DPEP2NB: variants seen among roughly 807,000 people sequenced by gnomAD.
DPEP2NB encodes the protein DPEP2 neighbor, also known as DPEP2 neighbor protein.
For synonymous variants in DPEP2NB, 35 were observed against 55.3 expected, an observed-to-expected ratio of 0.63 and a Z score of 1.63; for missense variants, 117 against 151.8, an observed-to-expected ratio of 0.77 and a Z score of 1.21.
At position 68,015,795 on chromosome 16, in the gene DPEP2NB, T is replaced by G; in HGVS notation, c.-25A>C. 1 of 1,201,432 alleles carries G rather than the reference T, an allele frequency of 8.3e-7. No homozygotes were observed. The highest frequency in any genetic ancestry group is 1.0e-6 in the Non-Finnish European group (1 of 960,340). 74.4% of individuals were successfully genotyped at this position (1,201,432 alleles called of 1,614,324 possible). ...TTCTCTCTCAGCCAACCAAACAGAT[T>G]GGTATCTTACAGAGAAATGGTAGGG... On this transcript the variant is annotated 5_prime_UTR_variant, in exon 1 of 2. Transcript: ENST00000574912.
chr16:68,015,612 G>A, intron 1 of DPEP2NB, 92 bp downstream of exon 1: 1 of 682,554 alleles, frequency 1.5e-6, no homozygotes, highest in East Asian at 3.4e-5. Context: ...GAAAGCTCGA[G>A]GTGTGGTGGG....
At position 68,013,987 on chromosome 16, in the gene DPEP2NB, A is replaced by G; in HGVS notation, c.*121T>C. 1 of 763,556 alleles carries G rather than the reference A, an allele frequency of 1.3e-6. No homozygotes were observed. The highest frequency in any genetic ancestry group is 7.0e-5 in the South Asian group (1 of 14,312). The allele number at this position is 763,556 out of a possible 1,614,324, so 47.3% of individuals were successfully genotyped here. A position where few individuals can be genotyped will look rare whatever the true frequency, so the allele number is the denominator to read the frequency against. On this transcript the variant is annotated 3_prime_UTR_variant, in exon 2 of 2. Coordinates refer to ENST00000574912, the MANE Select transcript of DPEP2NB (RefSeq NM_001282442.2). ...AGTTAGCATGGAAGGGGGCTTCTGG[A>G]TGAGGAAGGCATAGGCAGAATGACT... is the stretch of plus-strand genomic sequence containing the variant.
At chr16:68,015,450 T>A (rs1598292192) in intron 1 of DPEP2NB, among the ~76,000 whole-genome samples, 2 of 81,038 alleles carry the variant, frequency 2.5e-5, no homozygotes, top group Admixed American at 1.4e-4. Flanking sequence ...AGACCCCATC[T>A]CAATTAAAAA....
At chr16:68,014,799 A>G (rs1450959496) in intron 1 of DPEP2NB, among the ~76,000 whole-genome samples, 4 of 152,148 alleles carry the variant, frequency 2.6e-5, no homozygotes, top group Non-Finnish European at 5.9e-5. Context: ...ACTTGAGCCC[A>G]GGAGTACCAG....
Position 68,014,106 on chromosome 16 carries a change from G to C in DPEP2NB, c.*2C>G, listed in dbSNP as rs993485819. The C allele has an allele frequency of 3.2e-6, 4 of 1,231,604 alleles. No individual in the cohort carries two copies. The highest frequency in any genetic ancestry group is 8.2e-5 in the South Asian group (2 of 24,324). 76.3% of individuals were successfully genotyped at this position (1,231,604 alleles called of 1,614,324 possible). A position where few individuals can be genotyped will look rare whatever the true frequency, so the allele number is the denominator to read the frequency against. ...AAACATTTGTCCTTTCTCCCAAATGGCTCAGCCAGCAAGCTTCTGTGGGGT... is the reference window on the plus strand; with the variant it reads ...AAACATTTGTCCTTTCTCCCAAATGCCTCAGCCAGCAAGCTTCTGTGGGGT... On this transcript the variant is annotated 3_prime_UTR_variant, in exon 2 of 2. Coordinates refer to ENST00000574912, the MANE Select transcript of DPEP2NB (RefSeq NM_001282442.2).
In DPEP2NB at chr16:68,014,425, C is replaced by T; in HGVS notation, c.68-13G>A. 1 of 1,231,338 alleles carries T rather than the reference C, an allele frequency of 8.1e-7. No individual in the cohort carries two copies. The highest frequency in any genetic ancestry group is 3.1e-4 in the Middle Eastern group (1 of 3,208). 76.3% of individuals were successfully genotyped at this position (1,231,338 alleles called of 1,614,324 possible). The stretch of plus-strand genomic sequence containing the variant: ...GCAGGCACTGCAGCTGGAAAGAAAA[C>T]CAGAATTAGTCACTTTTACCTTATA... On this transcript the variant is annotated splice_polypyrimidine_tract_variant and intron_variant, in intron 1 of 1. Coordinates refer to ENST00000574912, the MANE Select transcript of DPEP2NB (RefSeq NM_001282442.2).
chr16:68,014,473 C>T, intron 1 of DPEP2NB, 61 bp from the exon 2 acceptor site: 1 of 1,122,540 alleles, frequency 8.9e-7, no homozygotes, highest in Non-Finnish European at 1.1e-6. Flanking sequence ...ACAGCCTACC[C>T]TCTCTCGCGA....
rs564574797 is a variant in DPEP2NB at position 68,014,013 on chromosome 16, C to G, written c.*95G>C. ...TGAGGAAGGCATAGGCAGAATGACT[C>G]AGGCTCTATCTGCAGTGGTGGGCAG... On this transcript the variant is annotated 3_prime_UTR_variant, in exon 2 of 2. Coordinates refer to ENST00000574912, the MANE Select transcript of DPEP2NB (RefSeq NM_001282442.2). 1.8e-5 allele frequency: 18 copies of G among 1,000,728 alleles called. 1 individual carries two copies. In the South Asian group the frequency reaches 8.4e-4, roughly 47 times the overall value. The allele number at this position is 1,000,728 out of a possible 1,614,324, so 62.0% of individuals were successfully genotyped here.
Position 68,015,582 on chromosome 16 carries a change from T to C in DPEP2NB, c.67+122A>G, listed in dbSNP as rs533372653. On this transcript the variant is annotated intron_variant, in intron 1 of 1. Coordinates refer to ENST00000574912, the MANE Select transcript of DPEP2NB (RefSeq NM_001282442.2). ...TGTGGGTCCCTGAGTGGCCACGCCC[T>C]CGATATTACTTATGGCTGGGAAAGC... The C allele has an allele frequency of 1.7e-5, 8 of 477,936 alleles. No homozygotes were observed. In the South Asian group the frequency reaches 8.7e-4, roughly 52 times the overall value. The allele number at this position is 477,936 out of a possible 1,614,324, so 29.6% of individuals were successfully genotyped here. A position where few individuals can be genotyped will look rare whatever the true frequency, so the allele number is the denominator to read the frequency against.
At chr16:68,015,162 T>C (rs1005987875) in intron 1 of DPEP2NB, among the ~76,000 whole-genome samples, 1 of 151,556 alleles carries the variant, frequency 6.6e-6, no homozygotes, top group Non-Finnish European at 1.5e-5. Flanking sequence ...GAGGCTGAGG[T>C]GGGCCGATCG....
At chr16:68,015,119 C>T (rs1421116250) in intron 1 of DPEP2NB, among the ~76,000 whole-genome samples, 1 of 151,908 alleles carries the variant, frequency 6.6e-6, no homozygotes, top group Non-Finnish European at 1.5e-5. Context: ...GGGCCAGGCA[C>T]AGTGCCTCAC....
Position 68,014,030 on chromosome 16 carries a change from G to C in DPEP2NB, c.*78C>G. Reference sequence around the variant, plus strand: ...GAATGACTCAGGCTCTATCTGCAGTGGTGGGCAGGGGAGGTCACCGCAGAA... The same window carrying C: ...GAATGACTCAGGCTCTATCTGCAGTCGTGGGCAGGGGAGGTCACCGCAGAA... On this transcript the variant is annotated 3_prime_UTR_variant, in exon 2 of 2. Transcript: ENST00000574912. 1 of 1,113,530 alleles carries C rather than the reference G, an allele frequency of 9.0e-7. No homozygotes were observed. The highest frequency in any genetic ancestry group is 1.1e-6 in the Non-Finnish European group (1 of 880,552). The allele number at this position is 1,113,530 out of a possible 1,614,324, so 69.0% of individuals were successfully genotyped here. A position where few individuals can be genotyped will look rare whatever the true frequency, so the allele number is the denominator to read the frequency against.
At position 68,014,155 on chromosome 16, in the gene DPEP2NB, A is replaced by G. The variant is rs1237650854; in HGVS notation, c.325T>C (p.Leu109=). ...GTCAGTCTCCTGCCACGATGCTCCAAGCGCCGAATTTTGGGGCTAGAGCAA... is the reference window on the plus strand; with the variant it reads ...GTCAGTCTCCTGCCACGATGCTCCAGGCGCCGAATTTTGGGGCTAGAGCAA... ...LGCSSPKIRR[L]EHRGRRLTPQ... is the part of the protein sequence containing the mutation. The change falls in exon 2 of 2, where the codon TTG becomes CTG. Residue 109 remains leucine (L), a synonymous_variant. Transcript: ENST00000574912. 1.1e-5 allele frequency: 13 copies of G among 1,231,654 alleles called. No homozygotes were observed. In the South Asian group the frequency reaches 4.9e-4, roughly 47 times the overall value. The allele number at this position is 1,231,654 out of a possible 1,614,324, so 76.3% of individuals were successfully genotyped here.
In DPEP2NB at chr16:68,014,205, G is replaced by A. The variant is rs781496980; in HGVS notation, c.275C>T (p.Thr92Met). 1.9e-5 allele frequency: 24 copies of A among 1,231,604 alleles called. No individual in the cohort carries two copies. The highest frequency in any genetic ancestry group is 1.6e-4 in the South Asian group (4 of 24,324). 76.3% of individuals were successfully genotyped at this position (1,231,604 alleles called of 1,614,324 possible). Residue 92 changes from threonine to methionine, a missense_variant, in exon 2 of 2, where the codon ACG becomes ATG. Coordinates refer to ENST00000574912, the MANE Select transcript of DPEP2NB (RefSeq NM_001282442.2). Reference sequence around the variant, plus strand: ...ACCCAGGTCTTTATCTGACTCTATCGTAGCTTGACGTCTCTTGGGAGCACG... The same window carrying A: ...ACCCAGGTCTTTATCTGACTCTATCATAGCTTGACGTCTCTTGGGAGCACG... ...PRRAPKRRQA[T>M]IESDKDLGCS...
Position 68,013,500 on chromosome 16 carries a change from A to G in DPEP2NB, c.*608T>C, listed in dbSNP as rs942371364. On this transcript the variant is annotated 3_prime_UTR_variant, in exon 2 of 2. Transcript: ENST00000574912. ...GAGCAGTAGGGACCTCACTGGGGCC[A>G]TAATGGGCAGGAAATAAAGTAACAT... 1.3e-5 allele frequency: 2 copies of G among 152,162 alleles called. No homozygotes were observed. The highest frequency in any genetic ancestry group is 1.5e-5 in the Non-Finnish European group (1 of 68,038). The allele number at this position is 152,162 out of a possible 1,614,324, so 9.4% of individuals were successfully genotyped here.
At chr16:68,014,730 CA>C (rs2033156180) in intron 1 of DPEP2NB, among the ~76,000 whole-genome samples, 1 of 152,142 alleles carries the variant, frequency 6.6e-6, no homozygotes, top group Non-Finnish European at 1.5e-5. Flanking sequence ...TACTATCAGC[CA>C]GGTGGGGTGG....
intron 1 of DPEP2NB, among the ~76,000 whole-genome samples, chr16:68,015,074 C>T (rs1312941393): frequency 6.6e-6 from 1 of 151,712 alleles, no homozygotes; most frequent in Non-Finnish European, 1.5e-5. Context: ...GGTGACAGAG[C>T]GAGACTAAAA....
In DPEP2NB at chr16:68,014,072, TAGAC is replaced by T; in HGVS notation, c.*32_*35del. ...ACCGCAGAAGAGGCATTAGCTGTCT[TAGAC>T]AGCTAAACATTTGTCCTTTCTCCCA... is the stretch of plus-strand genomic sequence containing the variant. On this transcript the variant is annotated 3_prime_UTR_variant, in exon 2 of 2. Transcript: ENST00000574912. 2.5e-6 allele frequency: 3 copies of T among 1,223,334 alleles called. No homozygotes were observed. Among genetic ancestry groups the T allele is most frequent in the Non-Finnish European group, 3.1e-6 (3 of 980,312 alleles). 75.8% of individuals were successfully genotyped at this position (1,223,334 alleles called of 1,614,324 possible).
intron 1 of DPEP2NB, among the ~76,000 whole-genome samples, chr16:68,015,397 A>G (rs1208710065): frequency 6.7e-6 from 1 of 150,112 alleles, no homozygotes; most frequent in Non-Finnish European, 1.5e-5. Context: ...CAAAAAAAAA[A>G]AAAAAAAAAA....
Sources: gnomAD v4.1 joint callset for allele counts (sites outside exome capture counted in the v4.1 genomes callset) on GRCh38, gnomAD v4.1.1 for gene constraint, MANE v1.5 for transcripts, NCBI Gene and HGNC (gene_info 2026-07-23, HGNC 2026-07-21) for gene names.